The following ZBTB7C variants were observed in gnomAD, a reference collection of about 807,000 sequenced individuals.
The protein encoded by ZBTB7C is zinc finger and BTB domain-containing protein 7C.
ZBTB7C carries 8 observed loss-of-function variants against 25.7 expected under a neutral mutation model. That is an observed-to-expected ratio of 0.31 (90% CI 0.18 to 0.56). The LOEUF is 0.56. Among genes scored for constraint, ZBTB7C ranks in the 20% least tolerant of loss-of-function variants. ZBTB7C has a pLI of 0.91. For missense variants in ZBTB7C, 824 were observed against 855.2 expected, an observed-to-expected ratio of 0.96 and a Z score of 0.46; for synonymous variants, 394 against 369.0, an observed-to-expected ratio of 1.07 and a Z score of -0.78.
At chr18:48,104,677 T>C (rs1237885808) in intron 3 of ZBTB7C, among the ~76,000 whole-genome samples, 1 of 152,216 alleles carries the variant, frequency 6.6e-6, no homozygotes, top group Non-Finnish European at 1.5e-5. Context: ...TCTTTCTTTT[T>C]CTTTGCTATG....
chr18:48,314,000 T>G (rs900023978), intron 2 of ZBTB7C, among the ~76,000 whole-genome samples: 2 of 152,166 alleles, frequency 1.3e-5, no homozygotes, highest in Non-Finnish European at 2.9e-5. Context: ...GCATGTGACA[T>G]GATAGCTCCC....
intron 3 of ZBTB7C, chr18:48,083,799 G>C: frequency 1.0e-6 from 1 of 978,980 alleles, no homozygotes; most frequent in Non-Finnish European, 1.2e-6. Flanking sequence ...TGTTCCTTCT[G>C]ATTATGAGGT....
intron 2 of ZBTB7C, among the ~76,000 whole-genome samples, chr18:48,281,052 C>G (rs2144634076): frequency 6.6e-6 from 1 of 152,170 alleles, no homozygotes; most frequent in African/African-American, 2.4e-5. Context: ...CGGGGTTTCG[C>G]CATGTTGGCC....
chr18:48,348,451 T>C (rs1483940355), intron 1 of ZBTB7C, among the ~76,000 whole-genome samples: 1 of 152,180 alleles, frequency 6.6e-6, no homozygotes, highest in East Asian at 1.9e-4. Flanking sequence ...CAGTCCACAG[T>C]TCCCCACTAG....
At chr18:48,088,224 A>G (rs2038270151) in intron 3 of ZBTB7C, 1 of 152,222 alleles carries the variant, frequency 6.6e-6, no homozygotes, top group Non-Finnish European at 1.5e-5. Flanking sequence ...AGGCCCCCCG[A>G]AGTAAGCAAG....
chr18:48,125,214 G>T (rs748862884), intron 3 of ZBTB7C, among the ~76,000 whole-genome samples: 11 of 152,232 alleles, frequency 7.2e-5, no homozygotes, highest in Non-Finnish European at 1.6e-4. Context: ...GTTCCAAGTA[G>T]TCCACAGTGA....
chr18:48,284,376 C>T (rs1264565845), intron 2 of ZBTB7C, among the ~76,000 whole-genome samples: 1 of 150,382 alleles, frequency 6.6e-6, no homozygotes, highest in Non-Finnish European at 1.5e-5. Context: ...GAGGTCAAGG[C>T]TTCAGTGAGT....
intron 2 of ZBTB7C, among the ~76,000 whole-genome samples, chr18:48,213,505 C>T (rs566069454): frequency 6.6e-6 from 1 of 152,326 alleles, no homozygotes; most frequent in South Asian, 2.1e-4. Context: ...TTAAACAGCT[C>T]CTACTGTATC....
rs73447920 is a variant in ZBTB7C, at chr18:48,049,965, C to T, written c.-16-8842G>A. Among the ~76,000 whole-genome samples, 1,066 of 152,324 alleles carry T rather than the reference C, an allele frequency of 7.0e-3. 12 individuals are homozygous for T. The highest frequency in any genetic ancestry group is 0.024 in the African/African-American group (995 of 41,578). ...TCCCCACCCAGTCTCCAGCCTCCAC[C>T]TCCTCCCATGCCCAGGCCTGGAGCT... On this transcript the variant is annotated intron_variant, in intron 3 of 4. Transcript: ENST00000590800.
At chr18:48,310,525 G>A (rs892372475) in intron 2 of ZBTB7C, among the ~76,000 whole-genome samples, 7 of 152,124 alleles carry the variant, frequency 4.6e-5, no homozygotes, top group Admixed American at 1.3e-4. Context: ...AAGGGCCAGT[G>A]AGAGAAAGAC....
chr18:48,055,384 T>C (rs2036871252), intron 3 of ZBTB7C, among the ~76,000 whole-genome samples: 1 of 124,906 alleles, frequency 8.0e-6, no homozygotes, highest in African/African-American at 3.2e-5. Context: ...CACTCCAGCA[T>C]GGGTGACAGA....
chr18:48,349,261 G>A (rs1182240854), intron 1 of ZBTB7C, among the ~76,000 whole-genome samples: 1 of 152,206 alleles, frequency 6.6e-6, no homozygotes, highest in Non-Finnish European at 1.5e-5. Context: ...AATATGAAAT[G>A]GGCATGGATG....
chr18:48,136,091 G>A lies in ZBTB7C; in HGVS notation c.-17+49843C>T, dbSNP rs181937708. Among the ~76,000 whole-genome samples the A allele has an allele frequency of 3.5e-4, 54 of 152,308 alleles. No individual in the cohort carries two copies. In the East Asian group the frequency reaches 8.1e-3, roughly 23 times the overall value. The stretch of plus-strand genomic sequence containing the variant: ...TCCGCGCGGGGTGGGCGGCGGGCAG[G>A]GGGGCGTGGGTGCTGGGTTAGGGGG... On this transcript the variant is annotated intron_variant, in intron 3 of 4. Coordinates refer to ENST00000590800, the MANE Select transcript of ZBTB7C (RefSeq NM_001318841.2).
At chr18:48,202,055 C>T (rs2042463028) in intron 2 of ZBTB7C, among the ~76,000 whole-genome samples, 1 of 152,238 alleles carries the variant, frequency 6.6e-6, no homozygotes, top group Admixed American at 6.5e-5. Flanking sequence ...GCCACACGTG[C>T]AGGTCAGCGG....
chr18:48,136,953 T>A, intron 3 of ZBTB7C: 1 of 798,466 alleles, frequency 1.3e-6, no homozygotes, highest in Non-Finnish European at 1.5e-6. Context: ...GCCGCTGGGC[T>A]CCCCAGAGCC....
intron 3 of ZBTB7C, among the ~76,000 whole-genome samples, chr18:48,113,116 G>A (rs556136932): frequency 1.3e-5 from 2 of 152,326 alleles, no homozygotes; most frequent in East Asian, 3.9e-4. Flanking sequence ...CTTTGAGGAT[G>A]TCCTTCCTGT....
At chr18:48,308,198 G>T (rs1568366788) in intron 2 of ZBTB7C, among the ~76,000 whole-genome samples, 1 of 152,142 alleles carries the variant, frequency 6.6e-6, no homozygotes, top group South Asian at 2.1e-4. Flanking sequence ...TACAGACAAG[G>T]CTACTTTGGT....
chr18:48,318,238 C>T (rs781023706), intron 2 of ZBTB7C, among the ~76,000 whole-genome samples: 2 of 152,086 alleles, frequency 1.3e-5, no homozygotes, highest in African/African-American at 2.4e-5. Flanking sequence ...AAAAAAACAA[C>T]CAAAAAACAA....
At chr18:48,187,663 C>T (rs1436312974) in intron 2 of ZBTB7C, among the ~76,000 whole-genome samples, 1 of 151,848 alleles carries the variant, frequency 6.6e-6, no homozygotes, top group Non-Finnish European at 1.5e-5. Context: ...AATACACACA[C>T]ACAAAACTTT....
Sources: gnomAD v4.1 joint callset for allele counts (sites outside exome capture counted in the v4.1 genomes callset) on GRCh38, gnomAD v4.1.1 for gene constraint, MANE v1.5 for transcripts, NCBI Gene and HGNC (gene_info 2026-07-23, HGNC 2026-07-21) for gene names.